Variants in SLC16A2 observed in about 807,000 individuals in gnomAD.
The protein encoded by SLC16A2 is monocarboxylate transporter 8.
In SLC16A2, 3 loss-of-function variants were observed where a neutral mutation model predicts 27.2. That is an observed-to-expected ratio of 0.11 (90% CI 0.05 to 0.28). The LOEUF is 0.28. Among genes scored for constraint, SLC16A2 ranks in the 10% least tolerant of loss-of-function variants. SLC16A2 has a pLI of 1.00. For missense variants in SLC16A2, 295 were observed against 458.5 expected (o/e 0.64, Z 3.26); for synonymous variants, 202 against 187.8 (o/e 1.08, Z -0.62).
chrX:74,465,008 G>A (rs773942095), intron 1 of SLC16A2, among the ~76,000 whole-genome samples: 76 of 111,826 alleles, frequency 6.8e-4, no homozygotes, highest in Non-Finnish European at 1.2e-3. Flanking sequence ...GCAACACAGA[G>A]GACTCCCATC....
At chrX:74,518,861 A>G (rs1314687760) in intron 1 of SLC16A2, among the ~76,000 whole-genome samples, 4 of 111,932 alleles carry the variant, frequency 3.6e-5, no homozygotes, top group African/African-American at 1.3e-4. Context: ...GTCTATTGTC[A>G]GATTTTGTGT....
chrX:74,424,990 C>G (rs1323834038), intron 1 of SLC16A2, among the ~76,000 whole-genome samples: 4 of 112,175 alleles, frequency 3.6e-5, no homozygotes, highest in Non-Finnish European at 7.5e-5. Flanking sequence ...TCTCAAGTAG[C>G]TAGAACTACA....
At chrX:74,476,426 G>A (rs1929479903) in intron 1 of SLC16A2, among the ~76,000 whole-genome samples, 1 of 111,943 alleles carries the variant, frequency 8.9e-6, no homozygotes, top group South Asian at 3.7e-4. Context: ...TCTGCAAACA[G>A]GGACAGTTTG....
intron 4 of SLC16A2, among the ~76,000 whole-genome samples, chrX:74,527,236 C>T (rs1362578590): frequency 6.2e-5 from 7 of 112,301 alleles, no homozygotes; most frequent in Non-Finnish European, 5.6e-5. Context: ...CTTACTTCAC[C>T]GAGTTTTACT....
In SLC16A2 at chrX:74,531,443, A is replaced by T. The variant is rs1181598841; in HGVS notation, c.1510A>T (p.Met504Leu). The T allele has an allele frequency of 4.1e-6, 5 of 1,208,678 alleles. No individual in the cohort carries two copies. Among genetic ancestry groups the T allele is most frequent in the Non-Finnish European group, 4.5e-6 (4 of 893,869 alleles). Reference protein sequence around the residue: ...LFFVPLMHQRMFKKEQRDSSK... With the variant: ...LFFVPLMHQRLFKKEQRDSSK... ...CTTCGTCCCTCTGATGCATCAAAGG[A>T]TGTTCAAGAAAGAGCAGAGAGATTC... is the stretch of plus-strand genomic sequence containing the variant. Residue 504 changes from methionine to leucine, a missense_variant, in exon 6 of 6, where the codon ATG becomes TTG. Met to Leu is a conservative substitution (Grantham distance 15, BLOSUM62 2). Around this residue, in one of 3 missense-constraint regions of SLC16A2, gnomAD observed 144 missense variants for 219.8 expected, o/e 0.66. Coordinates refer to ENST00000587091, the MANE Select transcript of SLC16A2 (RefSeq NM_006517.5).
rs1354489035 is a variant in SLC16A2 at position 74,533,268 on chromosome X, C to T, written c.*1715C>T. 6 of 112,077 alleles carry T rather than the reference C, an allele frequency of 5.4e-5. No individual in the cohort carries two copies. The highest frequency in any genetic ancestry group is 1.1e-4 in the Non-Finnish European group (6 of 53,113). 9.2% of individuals were successfully genotyped at this position (112,077 alleles called of 1,213,427 possible). A position where few individuals can be genotyped will look rare whatever the true frequency, so the allele number is the denominator to read the frequency against. On this transcript the variant is annotated 3_prime_UTR_variant, in exon 6 of 6. Coordinates refer to ENST00000587091, the MANE Select transcript of SLC16A2 (RefSeq NM_006517.5). ...AAACAGGCAGCTGGGGCATGGTTGG[C>T]CTCCAATGATTTCATTCAAGGCCAA...
At chrX:74,454,634 G>A (rs1929009312) in intron 1 of SLC16A2, among the ~76,000 whole-genome samples, 1 of 108,162 alleles carries the variant, frequency 9.2e-6, no homozygotes, top group Non-Finnish European at 1.9e-5. Flanking sequence ...GTTAAATGAC[G>A]AGTTAATGGG....
intron 4 of SLC16A2, among the ~76,000 whole-genome samples, chrX:74,528,515 G>T (rs888384482): frequency 1.8e-5 from 2 of 111,271 alleles, no homozygotes; most frequent in African/African-American, 6.5e-5. Flanking sequence ...CCTTCCCAGT[G>T]GCTTGGTTCC....
At chrX:74,484,311 C>A (rs11795891) in intron 1 of SLC16A2, among the ~76,000 whole-genome samples, 55,994 of 110,411 alleles carry the variant, frequency 0.51, 13,123 homozygotes, top group Non-Finnish European at 0.73. Context: ...TTCAGAAAGG[C>A]AAAACAACTT....
chrX:74,461,614 T>A (rs1456516177), intron 1 of SLC16A2, among the ~76,000 whole-genome samples: 3 of 111,683 alleles, frequency 2.7e-5, no homozygotes, highest in Non-Finnish European at 5.6e-5. Flanking sequence ...CATGGTGACC[T>A]ACTTTTGCAA....
At chrX:74,423,060 C>T (rs1928340078) in intron 1 of SLC16A2, among the ~76,000 whole-genome samples, 1 of 112,928 alleles carries the variant, frequency 8.9e-6, no homozygotes, top group African/African-American at 3.2e-5. Flanking sequence ...CGTGTGCGCT[C>T]TTCTCATTGA....
At chrX:74,441,427 C>G (rs1569285119) in intron 1 of SLC16A2, among the ~76,000 whole-genome samples, 2 of 111,959 alleles carry the variant, frequency 1.8e-5, no homozygotes, top group Non-Finnish European at 3.8e-5. Flanking sequence ...CACAATAATC[C>G]TGATTGGGAA....
At chrX:74,495,931 C>G (rs773324847) in intron 1 of SLC16A2, among the ~76,000 whole-genome samples, 4 of 111,132 alleles carry the variant, frequency 3.6e-5, no homozygotes, top group East Asian at 5.7e-4. Context: ...CCAGCCAAGT[C>G]CCTGCTCCCG....
chrX:74,511,587 T>C (rs1930235498), intron 1 of SLC16A2, among the ~76,000 whole-genome samples: 1 of 112,201 alleles, frequency 8.9e-6, no homozygotes, highest in Non-Finnish European at 1.9e-5. Flanking sequence ...AGTAAGATAC[T>C]GAGAGGACCC....
chrX:74,460,279 C>A (rs1237958808), intron 1 of SLC16A2, among the ~76,000 whole-genome samples: 1 of 111,541 alleles, frequency 9.0e-6, no homozygotes, highest in East Asian at 2.8e-4. Context: ...TTGGGAGACA[C>A]AGAAATCCTC....
intron 1 of SLC16A2, 125 bp downstream of exon 1, chrX:74,422,192 C>A: frequency 2.8e-6 from 2 of 705,800 alleles, no homozygotes; most frequent in Admixed American, 5.3e-5. Flanking sequence ...TCCCCTTACC[C>A]CTTACCCCTT....
At chrX:74,437,685 T>C (rs763510356) in intron 1 of SLC16A2, among the ~76,000 whole-genome samples, 112 of 112,263 alleles carry the variant, frequency 1.0e-3, no homozygotes, top group African/African-American at 3.5e-3. Context: ...GCTGCCTTCC[T>C]CACAGAATAT....
rs540098538 is a variant in SLC16A2, at chrX:74,443,733, T to A, written c.430+21666T>A. Among the ~76,000 whole-genome samples the A allele has an allele frequency of 8.7e-4, 98 of 112,254 alleles. 2 individuals carry two copies. The South Asian group carries it at 0.033, about 38-fold the overall frequency. ...ACTCCATTCCTTGTGTGATTGTGCC[T>A]GTGTTTGTGTGCGTCCTTCTCTGAG... On this transcript the variant is annotated intron_variant, in intron 1 of 5. Transcript: ENST00000587091.
intron 1 of SLC16A2, among the ~76,000 whole-genome samples, chrX:74,474,297 T>C (rs1241225367): frequency 3.6e-5 from 4 of 111,931 alleles, no homozygotes; most frequent in Non-Finnish European, 7.5e-5. Context: ...TTGTTAAATT[T>C]ATTCCTAAGT....
Sources: allele counts gnomAD v4.1 joint callset (sites outside exome capture counted in the v4.1 genomes callset), GRCh38; gene constraint gnomAD v4.1.1; regional missense constraint gnomAD v4.1.1; transcripts MANE v1.5; gene names NCBI Gene and HGNC (gene_info 2026-07-23, HGNC 2026-07-21).